Variants in MRPL48 observed in about 807,000 individuals in gnomAD.
The protein encoded by MRPL48 is mitochondrial ribosomal protein L48, also known as large ribosomal subunit protein mL48.
Under a neutral mutation model 32.9 loss-of-function variants are expected in MRPL48, and 16 were observed. That is an observed-to-expected ratio of 0.49 (90% confidence interval 0.33 to 0.74). The LOEUF is 0.74. Among genes scored for constraint, MRPL48 ranks in the 30% least tolerant of loss-of-function variants. The probability of loss-of-function intolerance (pLI) is 0.02; values close to 1 mark genes in which losing one functional copy is unlikely to be tolerated. For missense variants in MRPL48, 206 were observed against 245.3 expected, an observed-to-expected ratio of 0.84 and a Z score of 1.07; for synonymous variants, 94 against 89.2, an observed-to-expected ratio of 1.05 and a Z score of -0.31.
At chr11:73,834,836 GT>G (rs71065042) in intron 4 of MRPL48, among the ~76,000 whole-genome samples, 122 of 137,226 alleles carry the variant, frequency 8.9e-4, no homozygotes, top group South Asian at 9.1e-4. Flanking sequence ...TGTCTGGCCT[GT>G]TTTTTTTTTT....
intron 5 of MRPL48, among the ~76,000 whole-genome samples, chr11:73,849,564 T>C (rs1307067555): frequency 2.4e-4 from 36 of 152,260 alleles, no homozygotes; most frequent in Admixed American, 2.4e-3. Context: ...GATTCATCTA[T>C]GTTGTTGCCT....
chr11:73,807,876 T>A (rs11601371), intron 2 of MRPL48, among the ~76,000 whole-genome samples: 3 of 152,150 alleles, frequency 2.0e-5, no homozygotes, highest in Non-Finnish European at 4.4e-5. Context: ...TGACCTCAGG[T>A]CATCTGCCTG....
intron 3 of MRPL48, among the ~76,000 whole-genome samples, chr11:73,813,886 A>G (rs772980770): frequency 6.6e-6 from 1 of 151,920 alleles, no homozygotes; most frequent in African/African-American, 2.4e-5. Flanking sequence ...CTAAAAATAC[A>G]AAAAATGAGT....
Position 73,791,178 on chromosome 11 carries a change from C to A in MRPL48, c.21+3186C>A, listed in dbSNP as rs556797869. Among the ~76,000 whole-genome samples the A allele has an allele frequency of 2.0e-5, 3 of 152,070 alleles. No homozygotes were observed. In the South Asian group the frequency reaches 6.2e-4, roughly 32 times the overall value. ...GGGATTACAGGCGTGTGCCACCATG[C>A]CTGGCCCGCTGCTTTTTCTTTTCTG... On this transcript the variant is annotated intron_variant, in intron 1 of 7. Transcript: ENST00000310614.
At chr11:73,805,821 A>ATTTTTTTTT (rs1947441627) in intron 2 of MRPL48, among the ~76,000 whole-genome samples, 5 of 151,000 alleles carry the variant, frequency 3.3e-5, no homozygotes, top group Non-Finnish European at 5.9e-5. Context: ...AGCATGCCCC[A>ATTTTTTTTT]TTCGTTTTTG....
At chr11:73,863,383 T>A in intron 7 of MRPL48, 122 bp downstream of exon 7, 1 of 838,742 alleles carries the variant, frequency 1.2e-6, no homozygotes, top group Non-Finnish European at 1.9e-6. Context: ...ACCTAAATAA[T>A]AATCAGAAAA....
chr11:73,804,164 T>A (rs548369911), intron 1 of MRPL48, among the ~76,000 whole-genome samples: 1 of 152,152 alleles, frequency 6.6e-6, no homozygotes, highest in South Asian at 2.1e-4. Flanking sequence ...GTGATCCACC[T>A]ACCTTGGCCT....
At position 73,853,789 on chromosome 11, in the gene MRPL48, G is replaced by C. The variant is rs568388099; in HGVS notation, c.372-6118G>C. Among the ~76,000 whole-genome samples the C allele has an allele frequency of 2.7e-4, 38 of 142,472 alleles. 1 individual carries two copies. In the South Asian group the frequency reaches 7.6e-3, roughly 29 times the overall value. The allele number at this position is 142,472 out of a possible 152,430, so 93.5% of individuals were successfully genotyped here. Reference sequence around the variant, plus strand: ...CACTGCAAGCTCCGCCTCCCGGGTTGACGCCATTCTCCTGCCTCAGCCTCC... The same window carrying C: ...CACTGCAAGCTCCGCCTCCCGGGTTCACGCCATTCTCCTGCCTCAGCCTCC... On this transcript the variant is annotated intron_variant, in intron 5 of 7. Transcript: ENST00000310614.
intron 5 of MRPL48, among the ~76,000 whole-genome samples, chr11:73,857,269 T>G (rs1284116040): frequency 6.6e-6 from 1 of 151,944 alleles, no homozygotes; most frequent in Non-Finnish European, 1.5e-5. Flanking sequence ...TAGTAGGGAC[T>G]ACAGGCGCTC....
At chr11:73,825,661 A>G (rs1255057125) in intron 3 of MRPL48, 47 bp from the exon 4 acceptor site, 23 of 1,496,546 alleles carry the variant, frequency 1.5e-5, no homozygotes, top group Non-Finnish European at 1.9e-5. Context: ...AAACAACGAT[A>G]ATAGCAACAA....
chr11:73,812,722 A>ATG (rs1947589120), intron 3 of MRPL48, among the ~76,000 whole-genome samples: 1 of 132,058 alleles, frequency 7.6e-6, no homozygotes, highest in African/African-American at 2.9e-5. Context: ...GTCTAAATAT[A>ATG]TATATATATA....
At chr11:73,807,101 C>G (rs1947467321) in intron 2 of MRPL48, among the ~76,000 whole-genome samples, 1 of 152,056 alleles carries the variant, frequency 6.6e-6, no homozygotes, top group South Asian at 2.1e-4. Flanking sequence ...AACTCCTGAC[C>G]TCAAGTGATC....
chr11:73,847,301 T>C (rs1948309924), intron 5 of MRPL48, among the ~76,000 whole-genome samples: 1 of 152,184 alleles, frequency 6.6e-6, no homozygotes, highest in Non-Finnish European at 1.5e-5. Flanking sequence ...TAAATAATGA[T>C]ATTGAGCATC....
chr11:73,816,765 G>C (rs963669303), intron 3 of MRPL48, among the ~76,000 whole-genome samples: 1 of 151,816 alleles, frequency 6.6e-6, no homozygotes, highest in East Asian at 1.9e-4. Flanking sequence ...TGCCCAGCTG[G>C]TGGTATATTT....
chr11:73,838,972 A>G (rs1948146959), intron 4 of MRPL48, among the ~76,000 whole-genome samples: 2 of 152,232 alleles, frequency 1.3e-5, no homozygotes, highest in Admixed American at 6.5e-5. Context: ...AAATTTTAAA[A>G]TAATGACTCA....
intron 5 of MRPL48, among the ~76,000 whole-genome samples, chr11:73,854,844 A>G (rs1021416624): frequency 6.6e-6 from 1 of 152,124 alleles, no homozygotes; most frequent in African/African-American, 2.4e-5. Context: ...AGCTAAGTAC[A>G]TTTTTTTGTG....
intron 3 of MRPL48, among the ~76,000 whole-genome samples, chr11:73,811,323 G>A (rs1473045069): frequency 6.6e-6 from 1 of 152,100 alleles, no homozygotes; most frequent in East Asian, 1.9e-4. Context: ...GAGGTGACAA[G>A]TGAATGAAAG....
chr11:73,794,914 T>C (rs985858735), intron 1 of MRPL48, among the ~76,000 whole-genome samples: 1 of 149,752 alleles, frequency 6.7e-6, no homozygotes, highest in African/African-American at 2.4e-5. Context: ...CCAGCTAATT[T>C]TTTTTTTTTT....
chr11:73,823,007 C>T (rs1947810107), intron 3 of MRPL48: 1 of 452,940 alleles, frequency 2.2e-6, no homozygotes. Context: ...CTCCCATCAC[C>T]CCCAGATGGG....
Sources: allele counts gnomAD v4.1 joint callset (sites outside exome capture counted in the v4.1 genomes callset), GRCh38; gene constraint gnomAD v4.1.1; transcripts MANE v1.5; gene names NCBI Gene and HGNC (gene_info 2026-07-23, HGNC 2026-07-21).